The following TENM3 variants were observed in gnomAD, a reference collection of about 807,000 sequenced individuals.
TENM3 encodes the protein teneurin-3.
Under a neutral mutation model 255.1 loss-of-function variants are expected in TENM3, and 63 were observed. The ratio of observed to expected loss-of-function variants is 0.25; its 90% CI spans 0.20 to 0.30. The LOEUF (loss-of-function observed/expected upper bound fraction) is 0.30, where lower values mean the gene tolerates loss of function less well. Among genes scored for constraint, TENM3 ranks in the 10% least tolerant of loss-of-function variants. TENM3 has a pLI of 1.00. For synonymous variants in TENM3, 1,306 were observed against 1,322.3 expected (o/e 0.99, Z 0.27); for missense variants, 2,929 against 3,461.1 (o/e 0.85, Z 3.86).
At chr4:182,406,338 G>A (rs370242379) in intron 3 of TENM3, among the ~76,000 whole-genome samples, 15 of 152,108 alleles carry the variant, frequency 9.9e-5, no homozygotes, top group African/African-American at 3.6e-4. Flanking sequence ...AAAAAATAAG[G>A]CTTTTGCAGA....
chr4:182,727,224 G>C (rs1384807994), intron 13 of TENM3, among the ~76,000 whole-genome samples: 1 of 152,144 alleles, frequency 6.6e-6, no homozygotes, highest in African/African-American at 2.4e-5. Context: ...GAGAGGCCTA[G>C]GCGGGTGGAT....
intron 1 of TENM3, among the ~76,000 whole-genome samples, chr4:182,174,164 G>A (rs556473567): frequency 4.1e-4 from 63 of 151,850 alleles, no homozygotes; most frequent in African/African-American, 1.3e-3. Flanking sequence ...TTATGTCATC[G>A]CGGGAAATTT....
At chr4:182,224,642 A>G (rs950089199) in intron 1 of TENM3, among the ~76,000 whole-genome samples, 3 of 152,160 alleles carry the variant, frequency 2.0e-5, no homozygotes, top group African/African-American at 4.8e-5. Flanking sequence ...AAGTGTGCAC[A>G]GCCCATAATA....
the TENM3 span, among the ~76,000 whole-genome samples, chr4:181,931,492 A>G: frequency 6.6e-6 from 1 of 152,212 alleles, no homozygotes; most frequent in Non-Finnish European, 1.5e-5. Flanking sequence ...GGAACTACAA[A>G]CCACTACTCA....
At chr4:181,788,368 C>G in the TENM3 span, among the ~76,000 whole-genome samples, 1 of 152,148 alleles carries the variant, frequency 6.6e-6, no homozygotes, top group Non-Finnish European at 1.5e-5. Context: ...ATCAAGGTAA[C>G]CACTTAAATA....
the TENM3 span, among the ~76,000 whole-genome samples, chr4:181,818,473 A>G: frequency 6.6e-6 from 1 of 152,118 alleles, no homozygotes; most frequent in Non-Finnish European, 1.5e-5. Flanking sequence ...ACCAATCTAC[A>G]TTGCCACATA....
intron 1 of TENM3, among the ~76,000 whole-genome samples, chr4:182,151,719 T>C (rs1279922499): frequency 6.6e-6 from 1 of 152,066 alleles, no homozygotes; most frequent in African/African-American, 2.4e-5. Flanking sequence ...TGGGCAGTGT[T>C]ATTACATTTT....
chr4:182,211,237 T>C (rs1463425215), intron 1 of TENM3, among the ~76,000 whole-genome samples: 1 of 152,240 alleles, frequency 6.6e-6, no homozygotes, highest in African/African-American at 2.4e-5. Context: ...ACGTGGCTCT[T>C]TCTTGTTCAC....
rs142228660 is a variant in TENM3 at position 182,645,062 on chromosome 4, G to A, written c.989-8709G>A. Among the ~76,000 whole-genome samples the A allele has an allele frequency of 8.6e-3, 1,306 of 151,866 alleles. 19 individuals are homozygous for A. Among genetic ancestry groups the A allele is most frequent in the African/African-American group, 0.03 (1,224 of 41,464 alleles). ...TACTTCAAACTTTACTAAAGACAAA[G>A]CAAATGGTTTTTATCTTCATAATTG... On this transcript the variant is annotated intron_variant, in intron 5 of 27. Transcript: ENST00000511685.
At chr4:182,049,081 C>T in the TENM3 span, among the ~76,000 whole-genome samples, 1 of 152,038 alleles carries the variant, frequency 6.6e-6, no homozygotes. Flanking sequence ...GCTGGTACTT[C>T]TCAGAGTCAC....
At chr4:181,520,229 C>T in the TENM3 span, among the ~76,000 whole-genome samples, 3 of 152,186 alleles carry the variant, frequency 2.0e-5, no homozygotes, top group East Asian at 5.8e-4. Flanking sequence ...GTGGCACTGA[C>T]ACACCACTTC....
At chr4:182,346,969 G>A in intron 3 of TENM3, 40 bp downstream of exon 3, 1 of 1,442,848 alleles carries the variant, frequency 6.9e-7, no homozygotes. Context: ...GGCATTCAGT[G>A]CTTCTGTCTG....
the TENM3 span, among the ~76,000 whole-genome samples, chr4:181,709,682 C>T: frequency 6.6e-6 from 1 of 152,186 alleles, no homozygotes; most frequent in East Asian, 1.9e-4. Flanking sequence ...GGTCTGGCTG[C>T]TGCACAGATG....
chr4:181,634,623 T>A, the TENM3 span, among the ~76,000 whole-genome samples: 2 of 152,192 alleles, frequency 1.3e-5, no homozygotes, highest in Non-Finnish European at 2.9e-5. Context: ...AAATAAGATC[T>A]CCCTCTATTG....
chr4:182,136,975 T>G, the TENM3 span, among the ~76,000 whole-genome samples: 1 of 151,692 alleles, frequency 6.6e-6, no homozygotes, highest in Non-Finnish European at 1.5e-5. Context: ...CCAGTCAGCA[T>G]CCCCCCCCAC....
chr4:181,570,104 G>A, the TENM3 span, among the ~76,000 whole-genome samples: 2 of 147,400 alleles, frequency 1.4e-5, no homozygotes, highest in Non-Finnish European at 3.0e-5. Context: ...GGACTGCAGT[G>A]GCACAATCTC....
At chr4:181,627,332 A>G in the TENM3 span, among the ~76,000 whole-genome samples, 2 of 152,116 alleles carry the variant, frequency 1.3e-5, no homozygotes, top group East Asian at 3.9e-4. Flanking sequence ...AAGTGTGCAC[A>G]CATTTCTTTT....
At chr4:182,578,139 G>C (rs1403981345) in intron 3 of TENM3, among the ~76,000 whole-genome samples, 2 of 152,016 alleles carry the variant, frequency 1.3e-5, no homozygotes, top group East Asian at 3.9e-4. Context: ...ACCACGCCCA[G>C]CTAATTTTTG....
chr4:182,188,044 A>T (rs910003029), intron 1 of TENM3, among the ~76,000 whole-genome samples: 1 of 152,210 alleles, frequency 6.6e-6, no homozygotes, highest in Non-Finnish European at 1.5e-5. Context: ...TACTAAACAG[A>T]AAGTTTGTTT....
Sources: gnomAD v4.1 joint callset for allele counts (sites outside exome capture counted in the v4.1 genomes callset) on GRCh38, gnomAD v4.1.1 for gene constraint, MANE v1.5 for transcripts, NCBI Gene and HGNC (gene_info 2026-07-23, HGNC 2026-07-21) for gene names.